The following CLDN10 variants were observed in gnomAD, a reference collection of about 807,000 sequenced individuals.
CLDN10 encodes the protein claudin-10.
CLDN10 carries 15 observed loss-of-function variants against 22.9 expected under a neutral mutation model. The ratio of observed to expected loss-of-function variants is 0.65; its 90% CI spans 0.44 to 1.01. CLDN10 has a LOEUF of 1.01. Ranked by LOEUF, CLDN10 falls within the 50% of genes least tolerant of loss-of-function variation. The pLI is 0.00. For missense variants in CLDN10, 247 were observed against 287.8 expected (o/e 0.86, Z 1.03); for synonymous variants, 114 against 111.4 (o/e 1.02, Z -0.15).
chr13:95,474,135 C>T (rs751330108), intron 1 of CLDN10, among the ~76,000 whole-genome samples: 7 of 152,108 alleles, frequency 4.6e-5, no homozygotes, highest in Middle Eastern at 3.4e-3. Flanking sequence ...CAGTGGGAGC[C>T]CTGAGCTTGT....
chr13:95,486,197 CCTAACTTGTT>C (rs1263636005), intron 1 of CLDN10, among the ~76,000 whole-genome samples: 1 of 152,046 alleles, frequency 6.6e-6, no homozygotes, highest in Non-Finnish European at 1.5e-5. Context: ...AGTTGCTTTG[CCTAACTTGTT>C]CTGTGAGTGT....
intron 1 of CLDN10, among the ~76,000 whole-genome samples, chr13:95,477,800 A>G (rs2042699825): frequency 6.6e-6 from 1 of 152,134 alleles, no homozygotes; most frequent in African/African-American, 2.4e-5. Context: ...ACCCATATGT[A>G]TCTTAAGCCA....
chr13:95,439,923 T>A (rs1159908873), intron 1 of CLDN10, among the ~76,000 whole-genome samples: 1 of 151,866 alleles, frequency 6.6e-6, no homozygotes, highest in Non-Finnish European at 1.5e-5. Flanking sequence ...TTAACCCTTT[T>A]TTTTTTTTGA....
At chr13:95,519,357 G>A (rs2043202103) in intron 1 of CLDN10, among the ~76,000 whole-genome samples, 1 of 152,194 alleles carries the variant, frequency 6.6e-6, no homozygotes, top group Non-Finnish European at 1.5e-5. Flanking sequence ...TCACAAAAGG[G>A]CTGCCGCCGC....
chr13:95,510,990 A>C (rs1352006153), intron 1 of CLDN10, among the ~76,000 whole-genome samples: 1 of 152,212 alleles, frequency 6.6e-6, no homozygotes, highest in African/African-American at 2.4e-5. Flanking sequence ...CAGCCAAAAA[A>C]ATGTAAAGCT....
intron 1 of CLDN10, among the ~76,000 whole-genome samples, chr13:95,437,452 A>T (rs2042282973): frequency 6.6e-6 from 1 of 152,202 alleles, no homozygotes; most frequent in Non-Finnish European, 1.5e-5. Context: ...TCACTATGAA[A>T]GTAAAGCATC....
intron 1 of CLDN10, among the ~76,000 whole-genome samples, chr13:95,537,355 C>T (rs748354610): frequency 4.6e-5 from 7 of 152,112 alleles, no homozygotes; most frequent in Non-Finnish European, 8.8e-5. Context: ...CCAGTATGCA[C>T]GGCTCTTCTT....
intron 1 of CLDN10, among the ~76,000 whole-genome samples, chr13:95,503,148 G>A (rs1281699332): frequency 6.6e-6 from 1 of 152,124 alleles, no homozygotes; most frequent in African/African-American, 2.4e-5. Context: ...GCCCATTGGA[G>A]ATATTTAATA....
At chr13:95,552,318 G>T (rs2043574610), upstream of CLDN10, among the ~76,000 whole-genome samples, 1 of 150,146 alleles carries the variant, frequency 6.7e-6, no homozygotes, top group Non-Finnish European at 1.5e-5. Flanking sequence ...GGCTTTTCCT[G>T]CTCTGCTTCT....
chr13:95,493,749 G>A (rs1254517005), intron 1 of CLDN10, among the ~76,000 whole-genome samples: 1 of 151,968 alleles, frequency 6.6e-6, no homozygotes, highest in African/African-American at 2.4e-5. Context: ...TTGTAGAGAT[G>A]GGGTTTCATC....
chr13:95,477,548 C>T (rs2042696776), intron 1 of CLDN10, among the ~76,000 whole-genome samples: 1 of 152,140 alleles, frequency 6.6e-6, no homozygotes, highest in Non-Finnish European at 1.5e-5. Context: ...CCTGCAGATG[C>T]ACGCGGGGCA....
upstream of CLDN10, among the ~76,000 whole-genome samples, chr13:95,548,554 T>A (rs906216041): frequency 6.6e-6 from 1 of 152,228 alleles, no homozygotes; most frequent in Non-Finnish European, 1.5e-5. Flanking sequence ...ATTCTGTAAC[T>A]ATTCCTATCA....
intron 1 of CLDN10, among the ~76,000 whole-genome samples, chr13:95,477,553 G>A (rs572280908): frequency 2.6e-5 from 4 of 152,152 alleles, no homozygotes; most frequent in South Asian, 2.1e-4. Flanking sequence ...AGATGCACGC[G>A]GGGCAGATGT....
At chr13:95,497,708 G>A (rs1401233844) in intron 1 of CLDN10, among the ~76,000 whole-genome samples, 1 of 152,192 alleles carries the variant, frequency 6.6e-6, no homozygotes, top group Non-Finnish European at 1.5e-5. Flanking sequence ...ACAGGCAAAG[G>A]ATTAGGGCCA....
intron 1 of CLDN10, among the ~76,000 whole-genome samples, chr13:95,469,977 A>G (rs2042614984): frequency 6.6e-6 from 1 of 152,206 alleles, no homozygotes; most frequent in African/African-American, 2.4e-5. Flanking sequence ...ACAATACAAC[A>G]GTACTTGAAA....
intron 1 of CLDN10, among the ~76,000 whole-genome samples, chr13:95,505,830 CT>C (rs2138549430): frequency 7.0e-6 from 1 of 142,568 alleles, no homozygotes; most frequent in South Asian, 2.3e-4. Flanking sequence ...TCTCGGCTCA[CT>C]GCAACCTCTG....
intron 3 of CLDN10, among the ~76,000 whole-genome samples, chr13:95,576,369 T>C (rs1223605980): frequency 1.3e-5 from 2 of 152,186 alleles, no homozygotes; most frequent in Non-Finnish European, 2.9e-5. Flanking sequence ...CAATGGAAGT[T>C]TATGGGCCCC....
intron 1 of CLDN10, among the ~76,000 whole-genome samples, chr13:95,436,466 T>C (rs1331437903): frequency 6.6e-6 from 1 of 152,208 alleles, no homozygotes; most frequent in Non-Finnish European, 1.5e-5. Context: ...ATTATAAGCA[T>C]GAGCCACCAC....
At chr13:95,556,555 C>A (rs1291829128) in intron 1 of CLDN10, among the ~76,000 whole-genome samples, 1 of 152,224 alleles carries the variant, frequency 6.6e-6, no homozygotes, top group Non-Finnish European at 1.5e-5. Context: ...TACTGCTCAG[C>A]AGACATCCAT....
Sources: allele counts gnomAD v4.1 joint callset (sites outside exome capture counted in the v4.1 genomes callset), GRCh38; gene constraint gnomAD v4.1.1; transcripts MANE v1.5; gene names NCBI Gene and HGNC (gene_info 2026-07-23, HGNC 2026-07-21).